Variants in KCNMB3 observed in about 807,000 individuals in gnomAD.
KCNMB3 encodes the protein potassium calcium-activated channel subfamily M regulatory beta subunit 3.
KCNMB3 carries 18 observed loss-of-function variants against 11.9 expected under a neutral mutation model. That is an observed-to-expected ratio of 1.51 (90% CI 1.04 to 2.23). KCNMB3 has a LOEUF of 2.23. Among genes scored for constraint, KCNMB3 ranks in the 30% most tolerant of loss-of-function variants. The pLI is 0.00. For missense variants in KCNMB3, 247 were observed against 329.4 expected (o/e 0.75, Z 1.94); for synonymous variants, 78 against 119.2 (o/e 0.65, Z 2.25).
chr3:179,259,074 T>C lies in KCNMB3; in HGVS notation c.62+7575A>G, dbSNP rs999801792. ...GCCCTTCTCGTTCCCTCCTCTGGTA[T>C]CTTCTCTGCTTTCTGGATTGAAGTC... On this transcript the variant is annotated intron_variant, in intron 1 of 3. Transcript: ENST00000349697. The C allele has an allele frequency of 1.9e-6, 3 of 1,607,546 alleles. No individual in the cohort carries two copies. The African/African-American group carries it at 4.0e-5, about 22-fold the overall frequency.
chr3:179,251,371 G>A, upstream of KCNMB3: 2 of 1,433,962 alleles, frequency 1.4e-6, no homozygotes, highest in South Asian at 1.5e-5. Context: ...CCTGAACAGG[G>A]TTTGACTTAT....
intron 1 of KCNMB3, chr3:179,259,877 T>G: frequency 6.2e-7 from 1 of 1,613,504 alleles, no homozygotes; most frequent in Non-Finnish European, 8.5e-7. Flanking sequence ...CAGTTCCTGC[T>G]GGAGAACCAG....
Position 179,244,652 on chromosome 3 carries a change from T to C in KCNMB3, c.290A>G (p.Asp97Gly), listed in dbSNP as rs928462739. The C allele has an allele frequency of 1.2e-6, 2 of 1,614,088 alleles. No homozygotes were observed. The highest frequency in any genetic ancestry group is 1.7e-6 in the Non-Finnish European group (2 of 1,180,002). Reference sequence around the variant, plus strand: ...ACAGTCCAGCCAGTCGTCCATGATATCTGTGTGGATGGCAGTGCAGGTCGA... The same window carrying C: ...ACAGTCCAGCCAGTCGTCCATGATACCTGTGTGGATGGCAGTGCAGGTCGA... ...EESTCTAIHT[D>G]IMDDWLDCAF... The change falls in exon 2 of 3, where the codon GAT becomes GGT. Residue 97 changes from aspartate to glycine, a missense_variant. Physicochemically the swap from Asp to Gly is moderately conservative, Grantham distance 94. Coordinates refer to ENST00000392685, the MANE Select transcript of KCNMB3 (RefSeq NM_171830.2).
downstream of KCNMB3, chr3:179,240,127 A>G (rs189483276): frequency 9.1e-7 from 1 of 1,094,118 alleles, no homozygotes; most frequent in African/African-American, 1.6e-5. Flanking sequence ...AGTGTACTAC[A>G]TAAGCAAAAA....
chr3:179,260,895 TG>T, intron 1 of KCNMB3: 1 of 1,148,332 alleles, frequency 8.7e-7, no homozygotes, highest in Non-Finnish European at 1.3e-6. Flanking sequence ...GTGTTTTCAT[TG>T]TCTAACTGAG....
At chr3:179,266,576 G>T in intron 1 of KCNMB3, 1 of 1,563,650 alleles carries the variant, frequency 6.4e-7, no homozygotes. Flanking sequence ...CCAAGCTCGA[G>T]ATGTCCCCTC....
chr3:179,261,506 C>T (rs1726212022), intron 1 of KCNMB3, among the ~76,000 whole-genome samples: 1 of 151,872 alleles, frequency 6.6e-6, no homozygotes, highest in Non-Finnish European at 1.5e-5. Context: ...GCGGGCTGAG[C>T]CTGGCCGGGG....
At chr3:179,251,915 T>C (rs769895754), upstream of KCNMB3, among the ~76,000 whole-genome samples, 3 of 152,078 alleles carry the variant, frequency 2.0e-5, no homozygotes, top group Non-Finnish European at 4.4e-5. Context: ...AGAGACAGTG[T>C]TTCACCATGT....
chr3:179,245,422 T>A (rs1725601954), intron 1 of KCNMB3, among the ~76,000 whole-genome samples: 1 of 152,044 alleles, frequency 6.6e-6, no homozygotes, highest in Admixed American at 6.6e-5. Context: ...TCAAGAGCTA[T>A]ATCCAATTCA....
intron 1 of KCNMB3, chr3:179,261,326 G>A (rs961585489): frequency 8.3e-7 from 1 of 1,206,456 alleles, no homozygotes; most frequent in Non-Finnish European, 1.0e-6. Flanking sequence ...GGACCGTGCC[G>A]GAGCCCCCCC....
intron 1 of KCNMB3, among the ~76,000 whole-genome samples, chr3:179,247,205 T>C (rs1725670072): frequency 6.6e-6 from 1 of 152,190 alleles, no homozygotes; most frequent in African/African-American, 2.4e-5. Context: ...TGGTACCAGC[T>C]TGCAGAAGGT....
Position 179,266,851 on chromosome 3 carries a change from G to GC in KCNMB3, c.-142dup, listed in dbSNP as rs1726384508. ...CCCAGCGCAGCTGCAGCCATTAGAA[G>GC]CCCCCCGCCTTCCTGGAGAGGTGAG... On this transcript the variant is annotated 5_prime_UTR_variant, in exon 1 of 4. Coordinates refer to the KCNMB3 transcript ENST00000349697. 9 of 1,439,224 alleles carry GC rather than the reference G, an allele frequency of 6.3e-6. No individual in the cohort carries two copies. In the Admixed American group the frequency reaches 1.1e-4, roughly 18 times the overall value. The allele number at this position is 1,439,224 out of a possible 1,614,324, so 89.2% of individuals were successfully genotyped here.
intron 1 of KCNMB3, among the ~76,000 whole-genome samples, chr3:179,249,007 C>CTTTTTTT (rs1169837939): frequency 3.3e-5 from 3 of 89,874 alleles, no homozygotes; most frequent in Admixed American, 1.3e-4. Context: ...GACCCCGTCT[C>CTTTTTTT]TTTTTTTTTT....
intron 1 of KCNMB3, among the ~76,000 whole-genome samples, chr3:179,248,727 C>CAAA (rs543706677): frequency 7.5e-5 from 6 of 80,262 alleles, no homozygotes; most frequent in African/African-American, 1.1e-4. Flanking sequence ...CACCCTGCTT[C>CAAA]AAAAAAAAAA....
At chr3:179,266,960 G>A in exon 1 of KCNMB3, 4 of 1,285,200 alleles carry the variant, frequency 3.1e-6, no homozygotes, top group Non-Finnish European at 3.0e-6. Context: ...AAGGACCTGC[G>A]TGGTTTGCTG....
upstream of KCNMB3, among the ~76,000 whole-genome samples, chr3:179,252,772 C>A (rs1304212307): frequency 1.3e-5 from 2 of 149,038 alleles, no homozygotes; most frequent in Non-Finnish European, 3.0e-5. Context: ...CCCTCTGTCA[C>A]CCAGGCTGGA....
chr3:179,250,819 C>A lies in KCNMB3; in HGVS notation c.172G>T (p.Gly58Trp), dbSNP rs1315749381. The change falls in exon 1 of 3, where the codon GGG becomes TGG. Residue 58 changes from glycine (G) to tryptophan (W), a missense_variant. By Grantham distance (184) the Gly-to-Trp change is radical. This residue lies in a region of KCNMB3 where 160 missense variants were observed against 157.5 expected (regional missense o/e 1.02). Transcript: ENST00000392685. Reference sequence around the variant, plus strand: ...ACTGAGAAGCCCATCATGGCAAACCCCAGCATCACGGCTCGGTCCTCTCCA... The same window carrying A: ...ACTGAGAAGCCCATCATGGCAAACCACAGCATCACGGCTCGGTCCTCTCCA... The part of the protein sequence containing the change: ...SAGEDRAVML[G>W]FAMMGFSVLM... 1.9e-6 allele frequency: 3 copies of A among 1,614,154 alleles called. No individual in the cohort carries two copies. The highest frequency in any genetic ancestry group is 2.2e-5 in the East Asian group (1 of 44,880).
In KCNMB3 at chr3:179,250,924, G is replaced by A; in HGVS notation, c.67C>T (p.Pro23Ser). Residue 23 changes from proline (P) to serine (S), a missense_variant, in exon 1 of 3, where the codon CCT (proline) becomes TCT (serine). Pro to Ser is a moderately conservative substitution (Grantham distance 74). Coordinates refer to ENST00000392685, the MANE Select transcript of KCNMB3 (RefSeq NM_171830.2). ...GTCTCTCTCTTCTTCCCTGAGGCAGGAAAGGCTGTCCTTTGGGGAAAGGGA... is the reference window on the plus strand; with the variant it reads ...GTCTCTCTCTTCTTCCCTGAGGCAGAAAAGGCTGTCCTTTGGGGAAAGGGA... ...PSPFPQRTAF[P>S]ASGKKRETDY... 1 of 1,614,172 alleles carries A rather than the reference G, an allele frequency of 6.2e-7. No individual in the cohort carries two copies. Among genetic ancestry groups the A allele is most frequent in the Non-Finnish European group, 8.5e-7 (1 of 1,180,022 alleles).
chr3:179,263,576 C>T (rs1726289397), intron 1 of KCNMB3, among the ~76,000 whole-genome samples: 1 of 152,154 alleles, frequency 6.6e-6, no homozygotes, highest in Admixed American at 6.5e-5. Flanking sequence ...ACAAAGAATT[C>T]CTCAACAAAT....
Sources: gnomAD v4.1 joint callset for allele counts (sites outside exome capture counted in the v4.1 genomes callset) on GRCh38, gnomAD v4.1.1 for gene constraint, gnomAD v4.1.1 regional missense constraint, MANE v1.5 for transcripts, NCBI Gene and HGNC (gene_info 2026-07-23, HGNC 2026-07-21) for gene names.